The following REL variants were observed in gnomAD, a reference collection of about 807,000 sequenced individuals.
The protein encoded by REL is proto-oncogene c-Rel.
In REL, 15 loss-of-function variants were observed where a neutral mutation model predicts 45.9. That is an observed-to-expected ratio of 0.33 (90% CI 0.22 to 0.50). REL has a LOEUF of 0.50. REL is among the 20% of genes least tolerant of loss of function. REL has a pLI of 0.98. For synonymous variants in REL, 239 were observed against 242.1 expected (o/e 0.99, Z 0.12); for missense variants, 601 against 715.2 (o/e 0.84, Z 1.82).
At chr2:60,908,543 T>TCTAGC (rs2103962512) in intron 4 of REL, among the ~76,000 whole-genome samples, 1 of 152,338 alleles carries the variant, frequency 6.6e-6, no homozygotes, top group South Asian at 2.1e-4. Context: ...TTAACAGTGT[T>TCTAGC]TACTTAGCTA....
intron 2 of REL, 123 bp downstream of exon 2, chr2:60,891,948 C>T (rs1230724251): frequency 6.1e-6 from 5 of 822,394 alleles, no homozygotes; most frequent in Non-Finnish European, 6.9e-6. Flanking sequence ...TTCTTTTTTC[C>T]TTTTTTTTTT....
intron 4 of REL, among the ~76,000 whole-genome samples, chr2:60,907,653 C>T (rs1280685699): frequency 1.3e-5 from 2 of 151,684 alleles, no homozygotes; most frequent in Non-Finnish European, 2.9e-5. Context: ...CAAACTAAAA[C>T]GGTTGAAAGA....
intron 9 of REL, among the ~76,000 whole-genome samples, chr2:60,920,903 A>T (rs1414197878): frequency 1.3e-5 from 2 of 152,228 alleles, no homozygotes; most frequent in African/African-American, 2.4e-5. Flanking sequence ...TGCGTTATGA[A>T]AAAATGTTAC....
intron 7 of REL, 104 bp from the exon 8 acceptor site, chr2:60,919,936 AT>A (rs2103984832): frequency 1.4e-6 from 1 of 703,344 alleles, no homozygotes; most frequent in African/African-American, 1.8e-5. Flanking sequence ...TTACATACAT[AT>A]TTATTGAAAA....
At chr2:60,886,660 G>T (rs1185880991) in intron 1 of REL, among the ~76,000 whole-genome samples, 1 of 151,972 alleles carries the variant, frequency 6.6e-6, no homozygotes, top group Non-Finnish European at 1.5e-5. Context: ...CTGTATACTT[G>T]ATGCTGGTTG....
chr2:60,920,911 T>C (rs1674124063), intron 9 of REL, among the ~76,000 whole-genome samples: 1 of 152,228 alleles, frequency 6.6e-6, no homozygotes, highest in Non-Finnish European at 1.5e-5. Flanking sequence ...GAAAAAATGT[T>C]ACTGATTTGG....
chr2:60,906,572 C>A (rs1369118653), intron 4 of REL, among the ~76,000 whole-genome samples: 1 of 152,126 alleles, frequency 6.6e-6, no homozygotes, highest in Non-Finnish European at 1.5e-5. Flanking sequence ...TCATTCTGTA[C>A]CTCAGCTTCC....
chr2:60,915,585 T>C (rs1161653949), intron 4 of REL, among the ~76,000 whole-genome samples: 3 of 152,262 alleles, frequency 2.0e-5, no homozygotes, highest in Non-Finnish European at 4.4e-5. Flanking sequence ...ATCAGTTTTA[T>C]TAGTTATTGC....
intron 3 of REL, chr2:60,900,643 C>A (rs1357567843): frequency 9.8e-5 from 18 of 184,390 alleles, no homozygotes; most frequent in Non-Finnish European, 2.0e-4. Flanking sequence ...CCTGCCTCAG[C>A]CTCCCGAGTA....
chr2:60,904,621 C>G (rs1299751622), intron 4 of REL, among the ~76,000 whole-genome samples: 1 of 151,272 alleles, frequency 6.6e-6, no homozygotes, highest in Non-Finnish European at 1.5e-5. Context: ...GGCACGGTGT[C>G]TTATGCCTGT....
At chr2:60,905,127 C>G (rs1473720319) in intron 4 of REL, among the ~76,000 whole-genome samples, 2 of 152,148 alleles carry the variant, frequency 1.3e-5, no homozygotes, top group Non-Finnish European at 2.9e-5. Flanking sequence ...TGGAGTCTCC[C>G]TCTGTCGCCC....
chr2:60,911,824 C>G (rs1178396403), intron 4 of REL, among the ~76,000 whole-genome samples: 1 of 151,564 alleles, frequency 6.6e-6, no homozygotes, highest in African/African-American at 2.4e-5. Context: ...GATGATGAAA[C>G]CCCATCTCTA....
At chr2:60,903,962 C>T (rs533772554) in intron 4 of REL, among the ~76,000 whole-genome samples, 2 of 152,022 alleles carry the variant, frequency 1.3e-5, no homozygotes, top group African/African-American at 4.8e-5. Context: ...CCACTGGGCC[C>T]GACTCAGGCA....
intron 1 of REL, among the ~76,000 whole-genome samples, chr2:60,886,536 G>C (rs1673075874): frequency 6.6e-6 from 1 of 151,990 alleles, no homozygotes; most frequent in South Asian, 2.1e-4. Context: ...TGTAAGATGG[G>C]ATAATAATTT....
rs928629247 is a variant in REL, at chr2:60,925,340, T to C, written c.*2805T>C. 2 of 191,474 alleles carry C rather than the reference T, an allele frequency of 1.0e-5. No individual in the cohort carries two copies. Among genetic ancestry groups the C allele is most frequent in the Non-Finnish European group, 2.2e-5 (2 of 91,488 alleles). 11.9% of individuals were successfully genotyped at this position (191,474 alleles called of 1,614,324 possible). On this transcript the variant is annotated 3_prime_UTR_variant, in exon 10 of 10. Coordinates refer to ENST00000394479, the MANE Select transcript of REL (RefSeq NM_001291746.2). ...TTCTCAGTTAAATGATACTGGGAAA[T>C]AGGGAAGACAGCAAAGTGAGACTTG... is the stretch of plus-strand genomic sequence containing the variant.
intron 4 of REL, among the ~76,000 whole-genome samples, chr2:60,915,053 G>A (rs1350244669): frequency 3.3e-5 from 5 of 150,760 alleles, no homozygotes; most frequent in African/African-American, 1.2e-4. Context: ...GGATGGTCTC[G>A]ATCTCCCAAC....
At chr2:60,902,551 A>G (rs538338812) in intron 4 of REL, among the ~76,000 whole-genome samples, 3 of 150,236 alleles carry the variant, frequency 2.0e-5, no homozygotes, top group South Asian at 4.2e-4. Flanking sequence ...TTTTAACAGA[A>G]TATTTTATTG....
intron 1 of REL, among the ~76,000 whole-genome samples, chr2:60,886,651 T>G (rs1178498185): frequency 6.6e-6 from 1 of 152,160 alleles, no homozygotes; most frequent in Non-Finnish European, 1.5e-5. Context: ...CTTTTTTTTC[T>G]GTATACTTGA....
At chr2:60,894,851 CTTTTTTTTTTTT>C (rs558726227) in intron 3 of REL, among the ~76,000 whole-genome samples, 1 of 106,760 alleles carries the variant, frequency 9.4e-6, no homozygotes, top group African/African-American at 3.6e-5. Flanking sequence ...TTCACTCTGT[CTTTTTTTTTTTT>C]TTTTTTTTTT....
Sources: allele counts gnomAD v4.1 joint callset (sites outside exome capture counted in the v4.1 genomes callset), GRCh38; gene constraint gnomAD v4.1.1; transcripts MANE v1.5; gene names NCBI Gene and HGNC (gene_info 2026-07-23, HGNC 2026-07-21).